STAM: variants seen among roughly 807,000 people sequenced by gnomAD.
STAM encodes signal transducing adaptor molecule.
In STAM, 16 loss-of-function variants were observed where a neutral mutation model predicts 63.4. The ratio of observed to expected loss-of-function variants is 0.25; its 90% CI spans 0.17 to 0.38. The LOEUF (loss-of-function observed/expected upper bound fraction) is 0.38. STAM is among the 10% of genes least tolerant of loss of function. The pLI is 1.00. For missense variants in STAM, 636 were observed against 657.1 expected, an observed-to-expected ratio of 0.97 and a Z score of 0.35; for synonymous variants, 238 against 223.9, an observed-to-expected ratio of 1.06 and a Z score of -0.56.
Position 17,685,007 on chromosome 10 carries a change from A to T in STAM, c.297+80A>T, listed in dbSNP as rs531488505. The T allele has an allele frequency of 6.9e-4, 801 of 1,163,328 alleles. 2 individuals are homozygous for T. The highest frequency in any genetic ancestry group is 8.8e-4 in the Non-Finnish European group (720 of 813,912). The allele number at this position is 1,163,328 out of a possible 1,614,324, so 72.1% of individuals were successfully genotyped here. A position where few individuals can be genotyped will look rare whatever the true frequency, so the allele number is the denominator to read the frequency against. ...TTTATTGTTTAAATCTTCACAGAGG[A>T]CTATTCTGTGCTTTTTAAGAAATCC... is the stretch of plus-strand genomic sequence containing the variant. On this transcript the variant is annotated intron_variant, in intron 4 of 13. Coordinates refer to ENST00000377524, the MANE Select transcript of STAM (RefSeq NM_003473.4).
In STAM at chr10:17,685,713, A is replaced by T. The variant is rs377163011; in HGVS notation, c.297+786A>T. 2.0e-5 allele frequency among the ~76,000 whole-genome samples: 3 copies of T among 152,298 alleles called. No individual in the cohort carries two copies. The South Asian group carries it at 6.2e-4, about 32-fold the overall frequency. On this transcript the variant is annotated intron_variant, in intron 4 of 13. Coordinates refer to ENST00000377524, the MANE Select transcript of STAM (RefSeq NM_003473.4). ...TGGGTCCAAACCTATGGTGGAAAAC[A>T]TGCAGCTGGCTAGGTCACAGAGCGG...
chr10:17,693,035 C>T (rs1396210300), intron 5 of STAM, among the ~76,000 whole-genome samples, 187 bp from the exon 6 acceptor site: 3 of 152,080 alleles, frequency 2.0e-5, no homozygotes, highest in Non-Finnish European at 2.9e-5. Context: ...TGTCTAGTTG[C>T]TCTCTGTGTT....
At chr10:17,709,026 A>G (rs1836434526) in intron 13 of STAM, 75 bp downstream of exon 13, 14 of 1,503,886 alleles carry the variant, frequency 9.3e-6, no homozygotes, top group African/African-American at 1.4e-5. Context: ...ATCTATAACT[A>G]TAAAATCTGG....
rs140991080 is a variant in STAM, at chr10:17,714,635, C to T, written c.1478C>T (p.Ala493Val). 6.2e-7 allele frequency: 1 copy of T among 1,614,164 alleles called. No homozygotes were observed. Among genetic ancestry groups the T allele is most frequent in the South Asian group, 1.1e-5 (1 of 91,078 alleles). ...GCCGCTACTGCTGCTGCTGCAACTG[C>T]CGATGTCACTCTGTACCAGAATGCA... Reference protein sequence around the residue: ...PPAATAAAATADVTLYQNAGP... With the variant: ...PPAATAAAATVDVTLYQNAGP... Residue 493 changes from alanine (A) to valine (V), a missense_variant, in exon 14 of 14, where the codon GCC becomes GTC. Ala to Val is a moderately conservative substitution (Grantham distance 64, BLOSUM62 0). Coordinates refer to ENST00000377524, the MANE Select transcript of STAM (RefSeq NM_003473.4).
At chr10:17,649,619 A>G (rs1833658438) in intron 1 of STAM, among the ~76,000 whole-genome samples, 1 of 152,158 alleles carries the variant, frequency 6.6e-6, no homozygotes, top group African/African-American at 2.4e-5. Context: ...TTATTTATCA[A>G]ATAATGAATT....
At chr10:17,714,323 C>CT (rs1380831802) in intron 13 of STAM, among the ~76,000 whole-genome samples, 73 of 151,772 alleles carry the variant, frequency 4.8e-4, no homozygotes, top group African/African-American at 1.5e-3. Flanking sequence ...CCCCCCCCAA[C>CT]TTTTTTTACA....
At chr10:17,658,840 A>T (rs797030219) in intron 1 of STAM, among the ~76,000 whole-genome samples, 1 of 152,238 alleles carries the variant, frequency 6.6e-6, no homozygotes, top group East Asian at 1.9e-4. Flanking sequence ...TGAGTTTCTT[A>T]TAGACAACAT....
At chr10:17,645,123 AATTTT>A (rs1173375873) in intron 1 of STAM, among the ~76,000 whole-genome samples, 2 of 152,074 alleles carry the variant, frequency 1.3e-5, no homozygotes, top group Admixed American at 6.5e-5. Flanking sequence ...TTTGGTTTTT[AATTTT>A]ATTTTATTTT....
chr10:17,674,615 C>T (rs1554824453), intron 2 of STAM, among the ~76,000 whole-genome samples: 4 of 152,132 alleles, frequency 2.6e-5, no homozygotes, highest in Non-Finnish European at 5.9e-5. Flanking sequence ...AAATGTACTC[C>T]ACATGGCTTC....
At chr10:17,710,302 CA>C in intron 13 of STAM, among the ~76,000 whole-genome samples, 1 of 152,284 alleles carries the variant, frequency 6.6e-6, no homozygotes, top group East Asian at 1.9e-4. Flanking sequence ...GGTGCTTTAA[CA>C]GTGAAGTTCT....
chr10:17,684,994 A>G (rs909158884), intron 4 of STAM, 67 bp downstream of exon 4: 5 of 1,309,584 alleles, frequency 3.8e-6, no homozygotes, highest in African/African-American at 2.9e-5. Context: ...TATTGTTTAA[A>G]TCTTCACAGA....
chr10:17,689,151 T>G (rs1349463891), intron 5 of STAM, among the ~76,000 whole-genome samples: 3 of 152,246 alleles, frequency 2.0e-5, no homozygotes, highest in Non-Finnish European at 2.9e-5. Flanking sequence ...GTCTTTTTTA[T>G]TCCTATTTCT....
intron 2 of STAM, among the ~76,000 whole-genome samples, chr10:17,663,540 T>G (rs1554823113): frequency 6.6e-6 from 1 of 152,096 alleles, no homozygotes; most frequent in African/African-American, 2.4e-5. Flanking sequence ...TTTCCTTTTC[T>G]TCTTCCTTCC....
chr10:17,678,641 G>A (rs1834954074), intron 2 of STAM, among the ~76,000 whole-genome samples: 2 of 152,068 alleles, frequency 1.3e-5, no homozygotes, highest in South Asian at 4.1e-4. Context: ...TTAACATAAA[G>A]TTTACTATTT....
At chr10:17,697,954 G>T (rs1835833646) in intron 8 of STAM, among the ~76,000 whole-genome samples, 1 of 151,974 alleles carries the variant, frequency 6.6e-6, no homozygotes, top group South Asian at 2.1e-4. Flanking sequence ...CTTTGTCCTG[G>T]TCATCTTTTT....
At chr10:17,654,367 C>T (rs577618930) in intron 1 of STAM, among the ~76,000 whole-genome samples, 290 of 152,098 alleles carry the variant, frequency 1.9e-3, no homozygotes, top group African/African-American at 6.4e-3. Flanking sequence ...GGACTACATG[C>T]GCCCACCACC....
chr10:17,657,437 G>GT (rs1554822286), intron 1 of STAM, among the ~76,000 whole-genome samples: 1 of 152,142 alleles, frequency 6.6e-6, no homozygotes, highest in African/African-American at 2.4e-5. Flanking sequence ...TTCTTGTAAT[G>GT]TTTTTGTCTG....
chr10:17,698,569 G>A (rs1835861106), intron 8 of STAM, among the ~76,000 whole-genome samples: 1 of 152,038 alleles, frequency 6.6e-6, no homozygotes, highest in Non-Finnish European at 1.5e-5. Flanking sequence ...TGGAGAACAG[G>A]TGCAGGTGCT....
chr10:17,689,013 C>G (rs548076108), intron 5 of STAM, among the ~76,000 whole-genome samples: 3 of 152,066 alleles, frequency 2.0e-5, no homozygotes, highest in Admixed American at 2.0e-4. Context: ...TAGTAAGAGC[C>G]GACCAGTACA....
Sources: gnomAD v4.1 joint callset for allele counts (sites outside exome capture counted in the v4.1 genomes callset) on GRCh38, gnomAD v4.1.1 for gene constraint, MANE v1.5 for transcripts, NCBI Gene and HGNC (gene_info 2026-07-23, HGNC 2026-07-21) for gene names.